KLF8: variants seen among roughly 807,000 people sequenced by gnomAD.
KLF8 encodes KLF transcription factor 8.
A neutral mutation model predicts 18.2 loss-of-function variants in KLF8; 10 were observed. The observed-to-expected ratio is 0.55, with a 90% confidence interval of 0.34 to 0.93. KLF8 has a LOEUF of 0.93. Among genes scored for constraint, KLF8 ranks in the 40% least tolerant of loss-of-function variants. The pLI, the probability that KLF8 is intolerant of heterozygous loss-of-function variation, is 0.02. For missense variants in KLF8, 264 were observed against 277.9 expected (o/e 0.95, Z 0.36); for synonymous variants, 109 against 97.3 (o/e 1.12, Z -0.71).
At chrX:56,269,205 T>C in intron 3 of KLF8, 173 bp from the exon 4 acceptor site, 6 of 1,008,178 alleles carry the variant, frequency 6.0e-6, no homozygotes, top group Non-Finnish European at 7.6e-6. Context: ...AAAAAAAAAA[T>C]AAAATGTTAT....
the KLF8 span, among the ~76,000 whole-genome samples, chrX:55,976,684 T>C: frequency 9.0e-6 from 1 of 111,341 alleles, no homozygotes; most frequent in Non-Finnish European, 1.9e-5. Flanking sequence ...AAAGTGCCTT[T>C]GGAATTTTCA....
the KLF8 span, among the ~76,000 whole-genome samples, chrX:56,053,544 G>GTTTTTTTTT: frequency 3.3e-4 from 23 of 68,682 alleles, 1 homozygote; most frequent in Non-Finnish European, 4.8e-4. Flanking sequence ...TCTTTTCTTT[G>GTTTTTTTTT]TTTTTTTTTT....
the KLF8 span, among the ~76,000 whole-genome samples, chrX:56,199,241 G>T: frequency 8.9e-5 from 10 of 111,818 alleles, no homozygotes; most frequent in African/African-American, 3.2e-4. Context: ...AGACAAATGG[G>T]ATCTAATTAA....
At chrX:55,959,124 G>T in the KLF8 span, among the ~76,000 whole-genome samples, 1 of 112,422 alleles carries the variant, frequency 8.9e-6, no homozygotes, top group South Asian at 3.7e-4. Flanking sequence ...CAGTCCCTCA[G>T]GGTAAGAGTA....
At chrX:55,966,384 C>T in the KLF8 span, among the ~76,000 whole-genome samples, 4 of 112,424 alleles carry the variant, frequency 3.6e-5, no homozygotes, top group South Asian at 1.5e-3. Context: ...ATGTGTCATT[C>T]CTCTACCAGT....
chrX:55,977,934 G>GT, the KLF8 span, among the ~76,000 whole-genome samples: 2 of 110,137 alleles, frequency 1.8e-5, no homozygotes, highest in South Asian at 3.9e-4. Flanking sequence ...GATTGGCTGG[G>GT]TTTTTTTGGT....
At chrX:56,037,286 T>C in the KLF8 span, among the ~76,000 whole-genome samples, 8 of 111,748 alleles carry the variant, frequency 7.2e-5, no homozygotes, top group African/African-American at 2.6e-4. Flanking sequence ...TGGTGTATTA[T>C]CTTTTTCATT....
chrX:56,142,844 C>T, the KLF8 span, among the ~76,000 whole-genome samples: 1 of 112,082 alleles, frequency 8.9e-6, no homozygotes, highest in African/African-American at 3.2e-5. Context: ...TGAGGAAATT[C>T]TGCCTTTGGA....
the KLF8 span, among the ~76,000 whole-genome samples, chrX:55,970,681 A>G: frequency 1.8e-5 from 2 of 111,607 alleles, no homozygotes; most frequent in Non-Finnish European, 3.8e-5. Flanking sequence ...GACACCACGA[A>G]AAAACTATTA....
At chrX:56,023,696 T>G in the KLF8 span, among the ~76,000 whole-genome samples, 2 of 111,557 alleles carry the variant, frequency 1.8e-5, no homozygotes, top group African/African-American at 6.5e-5. Flanking sequence ...AGAGTTTAAT[T>G]TTTAGAGTTC....
chrX:56,207,690 T>C, the KLF8 span, among the ~76,000 whole-genome samples: 5 of 110,976 alleles, frequency 4.5e-5, no homozygotes, highest in African/African-American at 1.6e-4. Context: ...CTAGGAAGTT[T>C]CAAACTTTCC....
chrX:55,945,122 T>G, the KLF8 span, among the ~76,000 whole-genome samples: 1 of 111,437 alleles, frequency 9.0e-6, no homozygotes, highest in Non-Finnish European at 1.9e-5. Flanking sequence ...TTGTTCAGTT[T>G]CCATGTAGTT....
At chrX:56,027,682 C>T in the KLF8 span, among the ~76,000 whole-genome samples, 1 of 111,999 alleles carries the variant, frequency 8.9e-6, no homozygotes, top group African/African-American at 3.3e-5. Context: ...AAGCTGCTCC[C>T]GTCTACGTAT....
the KLF8 span, among the ~76,000 whole-genome samples, chrX:56,107,075 T>C: frequency 9.0e-6 from 1 of 111,585 alleles, no homozygotes. Flanking sequence ...TGCTGCCTGA[T>C]CATTCCTCTG....
intron 3 of KLF8, 199 bp from the exon 4 acceptor site, chrX:56,269,179 G>C (rs770744148): frequency 2.0e-6 from 2 of 1,010,014 alleles, no homozygotes; most frequent in East Asian, 3.8e-5. Flanking sequence ...AGGCATTTCT[G>C]TTCCCTGCTA....
At chrX:55,936,861 TAAAC>T in the KLF8 span, among the ~76,000 whole-genome samples, 1 of 103,882 alleles carries the variant, frequency 9.6e-6, no homozygotes, top group East Asian at 3.1e-4. Context: ...GCTTGAGTAG[TAAAC>T]AAAGCAGCCG....
At chrX:55,983,097 C>T in the KLF8 span, among the ~76,000 whole-genome samples, 2 of 111,480 alleles carry the variant, frequency 1.8e-5, no homozygotes, top group African/African-American at 6.5e-5. Flanking sequence ...AATTAGAAAA[C>T]TACTTTCTGG....
intron 2 of KLF8, among the ~76,000 whole-genome samples, chrX:56,257,390 G>A (rs1215861916): frequency 9.0e-6 from 1 of 111,707 alleles, no homozygotes; most frequent in African/African-American, 3.3e-5. Flanking sequence ...TAGATTCAGG[G>A]GATACATGTG....
At chrX:56,078,610 G>A in the KLF8 span, among the ~76,000 whole-genome samples, 1 of 111,188 alleles carries the variant, frequency 9.0e-6, no homozygotes, top group Non-Finnish European at 1.9e-5. Flanking sequence ...TCTCTTTTTT[G>A]GTTGTGTCTC....
Sources: gnomAD v4.1 joint callset for allele counts (sites outside exome capture counted in the v4.1 genomes callset) on GRCh38, gnomAD v4.1.1 for gene constraint, MANE v1.5 for transcripts, NCBI Gene and HGNC (gene_info 2026-07-23, HGNC 2026-07-21) for gene names.